Variants in AIDA observed in about 807,000 individuals in gnomAD.
AIDA encodes axin interactor, dorsalization associated.
In AIDA, 18 loss-of-function variants were observed where a neutral mutation model predicts 42.7. The observed-to-expected ratio is 0.42, with a 90% CI of 0.29 to 0.63. The LOEUF (loss-of-function observed/expected upper bound fraction) is 0.63, where lower values mean the gene tolerates loss of function less well. Ranked by LOEUF, AIDA falls within the 20% of genes least tolerant of loss-of-function variation. The probability of loss-of-function intolerance (pLI) is 0.19; values close to 1 mark genes in which losing one functional copy is unlikely to be tolerated. For missense variants in AIDA, 250 were observed against 354.1 expected, an observed-to-expected ratio of 0.71 and a Z score of 2.36; for synonymous variants, 104 against 122.9, an observed-to-expected ratio of 0.85 and a Z score of 1.02.
chr1:222,690,789 T>C (rs1432691073), intron 4 of AIDA, among the ~76,000 whole-genome samples: 1 of 152,106 alleles, frequency 6.6e-6, no homozygotes, highest in East Asian at 1.9e-4. Flanking sequence ...ATGTAATCTA[T>C]ACCAAACCCT....
At chr1:222,684,394 G>A (rs938742359) in intron 6 of AIDA, among the ~76,000 whole-genome samples, 4 of 152,178 alleles carry the variant, frequency 2.6e-5, no homozygotes, top group Non-Finnish European at 4.4e-5. Context: ...TTACAGGCAT[G>A]AGCCACTGTG....
chr1:222,706,365 G>A (rs1410887402), intron 1 of AIDA, among the ~76,000 whole-genome samples: 1 of 152,058 alleles, frequency 6.6e-6, no homozygotes, highest in East Asian at 1.9e-4. Context: ...GCAAAGACTT[G>A]CATTTGAATG....
At chr1:222,672,824 G>A (rs567495585) in intron 8 of AIDA, among the ~76,000 whole-genome samples, 1 of 152,342 alleles carries the variant, frequency 6.6e-6, no homozygotes, top group South Asian at 2.1e-4. Flanking sequence ...TGGGCGAAAA[G>A]CATGGGGAAG....
chr1:222,703,235 A>G lies in AIDA; in HGVS notation c.111-18T>C, dbSNP rs370398655. The G allele has an allele frequency of 8.2e-6, 13 of 1,580,028 alleles. No individual in the cohort carries two copies. The highest frequency in any genetic ancestry group is 1.4e-5 in the African/African-American group (1 of 73,340). On this transcript the variant is annotated intron_variant, in intron 1 of 9. Transcript: ENST00000340020. ...TTGCTAATCTGTAAGAAGAAAACAT[A>G]TTCTTTAGAATGGAAGAAAAGCAAA... is the stretch of plus-strand genomic sequence containing the variant.
At position 222,670,490 on chromosome 1, in the gene AIDA, C is replaced by T. The variant is rs78154076; in HGVS notation, c.707-240G>A. Among the ~76,000 whole-genome samples, 742 of 152,276 alleles carry T rather than the reference C, an allele frequency of 4.9e-3. 8 individuals are homozygous for T. Among genetic ancestry groups the T allele is most frequent in the African/African-American group, 0.017 (699 of 41,556 alleles). Reference sequence around the variant, plus strand: ...AATTCTACAAACTATAGCAAAACTTCTTGAGCTAGACTGCCTCAAGAATGT... The same window carrying T: ...AATTCTACAAACTATAGCAAAACTTTTTGAGCTAGACTGCCTCAAGAATGT... On this transcript the variant is annotated intron_variant, in intron 8 of 9. Coordinates refer to ENST00000340020, the MANE Select transcript of AIDA (RefSeq NM_022831.4).
intron 4 of AIDA, among the ~76,000 whole-genome samples, chr1:222,692,486 T>C (rs886081003): frequency 1.3e-5 from 2 of 152,200 alleles, no homozygotes; most frequent in African/African-American, 4.8e-5. Flanking sequence ...GCAAAATGGG[T>C]AACTGTTCCC....
intron 2 of AIDA, among the ~76,000 whole-genome samples, chr1:222,700,509 G>A (rs1332436622): frequency 2.6e-5 from 4 of 152,064 alleles, no homozygotes; most frequent in Non-Finnish European, 4.4e-5. Flanking sequence ...TGTAATCCCA[G>A]CACTCTGGGA....
chr1:222,685,191 G>C (rs936820387), intron 6 of AIDA, among the ~76,000 whole-genome samples: 5 of 152,226 alleles, frequency 3.3e-5, no homozygotes, highest in African/African-American at 1.2e-4. Flanking sequence ...CCCATGTAGA[G>C]AGGATGACAA....
intron 2 of AIDA, among the ~76,000 whole-genome samples, chr1:222,697,403 T>C (rs1035327972): frequency 6.3e-5 from 8 of 126,056 alleles, no homozygotes; most frequent in Admixed American, 4.9e-4. Flanking sequence ...TTAGAATGTA[T>C]TGATATCAAA....
chr1:222,678,016 G>C (rs1198270536), intron 6 of AIDA, among the ~76,000 whole-genome samples: 1 of 152,132 alleles, frequency 6.6e-6, no homozygotes, highest in Admixed American at 6.5e-5. Context: ...TGTTGTTGCT[G>C]AGCTATTGCT....
intron 6 of AIDA, among the ~76,000 whole-genome samples, chr1:222,684,086 T>C (rs998198356): frequency 6.6e-6 from 1 of 152,122 alleles, no homozygotes; most frequent in Non-Finnish European, 1.5e-5. Context: ...TCAAAACTCA[T>C]TAAAGGTACA....
chr1:222,700,978 G>GT (rs924166154), intron 2 of AIDA, among the ~76,000 whole-genome samples: 11 of 146,006 alleles, frequency 7.5e-5, no homozygotes, highest in Non-Finnish European at 1.7e-4. Context: ...TTTTGGGGGG[G>GT]GGGGGACAGG....
chr1:222,705,052 A>G (rs774860673), intron 1 of AIDA, among the ~76,000 whole-genome samples: 50 of 152,210 alleles, frequency 3.3e-4, no homozygotes, highest in Non-Finnish European at 6.0e-4. Flanking sequence ...CTTATTCTTG[A>G]TGGCCTCTAT....
chr1:222,699,511 A>G (rs897978347), intron 2 of AIDA, among the ~76,000 whole-genome samples: 1 of 152,220 alleles, frequency 6.6e-6, no homozygotes. Context: ...TACATGCCCA[A>G]ACTCTTTAAA....
chr1:222,692,813 A>G (rs1655405903), intron 4 of AIDA, among the ~76,000 whole-genome samples: 1 of 152,202 alleles, frequency 6.6e-6, no homozygotes, highest in Non-Finnish European at 1.5e-5. Flanking sequence ...TCATGAAGAG[A>G]TATGTTTGAG....
intron 7 of AIDA, among the ~76,000 whole-genome samples, 174 bp downstream of exon 7, chr1:222,675,922 T>A (rs1664535221): frequency 6.6e-6 from 1 of 152,186 alleles, no homozygotes. Context: ...CTCAGAAGTG[T>A]TCTGTGAAGA....
intron 2 of AIDA, among the ~76,000 whole-genome samples, chr1:222,697,953 T>A (rs894355923): frequency 6.6e-5 from 10 of 151,748 alleles, no homozygotes; most frequent in African/African-American, 9.7e-5. Flanking sequence ...CAAATTTGAC[T>A]CAAGACAGGG....
At chr1:222,687,549 G>C (rs1459700576) in intron 5 of AIDA, 46 bp downstream of exon 5, 8 of 1,418,584 alleles carry the variant, frequency 5.6e-6, no homozygotes, top group Non-Finnish European at 7.7e-6. Context: ...ATCTGAAAGA[G>C]AGGTATAAAA....
rs1387898390 is a variant in AIDA, at chr1:222,689,505, A to G, written c.290-1847T>C. On this transcript the variant is annotated intron_variant, in intron 4 of 9. Coordinates refer to ENST00000340020, the MANE Select transcript of AIDA (RefSeq NM_022831.4). ...TGTATATATATATATATATATATATATATATATATATATATACACACATAC... is the reference window on the plus strand; with the variant it reads ...TGTATATATATATATATATATATATGTATATATATATATATACACACATAC... Among the ~76,000 whole-genome samples the G allele has an allele frequency of 3.3e-4, 24 of 73,482 alleles. 1 individual carries two copies. Among genetic ancestry groups the G allele is most frequent in the Non-Finnish European group, 6.0e-4 (20 of 33,224 alleles). 48.2% of individuals were successfully genotyped at this position (73,482 alleles called of 152,430 possible).
Sources: allele counts gnomAD v4.1 joint callset (sites outside exome capture counted in the v4.1 genomes callset), GRCh38; gene constraint gnomAD v4.1.1; transcripts MANE v1.5; gene names NCBI Gene and HGNC (gene_info 2026-07-23, HGNC 2026-07-21).